The following GPC6 variants were observed in gnomAD, a reference collection of about 807,000 sequenced individuals.
GPC6 encodes glypican-6.
In GPC6, 14 loss-of-function variants were observed where a neutral mutation model predicts 55.2. The observed-to-expected ratio is 0.25, with a 90% CI of 0.17 to 0.40. The LOEUF (loss-of-function observed/expected upper bound fraction) is 0.40. Ranked by LOEUF, GPC6 falls within the 10% of genes least tolerant of loss-of-function variation. GPC6 has a pLI of 1.00. For synonymous variants in GPC6, 278 were observed against 259.6 expected (o/e 1.07, Z -0.68); for missense variants, 641 against 708.5 (o/e 0.90, Z 1.08).
intron 1 of GPC6, among the ~76,000 whole-genome samples, chr13:93,425,362 A>C (rs1260726296): frequency 6.6e-6 from 1 of 152,146 alleles, no homozygotes; most frequent in Non-Finnish European, 1.5e-5. Flanking sequence ...ACTTCCTATC[A>C]ATTCTAAAAA....
At chr13:94,090,359 G>C (rs1423437714) in intron 4 of GPC6, among the ~76,000 whole-genome samples, 1 of 152,040 alleles carries the variant, frequency 6.6e-6, no homozygotes, top group African/African-American at 2.4e-5. Context: ...GATTTGGGTG[G>C]AGAGACAGCC....
At chr13:93,745,257 G>A (rs572774450) in intron 2 of GPC6, among the ~76,000 whole-genome samples, 6 of 152,028 alleles carry the variant, frequency 3.9e-5, no homozygotes, top group African/African-American at 1.2e-4. Context: ...TCTTCTTCCT[G>A]CTCTTTATAT....
chr13:93,728,399 A>G (rs1883716716), intron 2 of GPC6, among the ~76,000 whole-genome samples: 1 of 148,898 alleles, frequency 6.7e-6, no homozygotes, highest in Non-Finnish European at 1.5e-5. Flanking sequence ...TTTTATTATT[A>G]TATATATATA....
Position 94,398,454 on chromosome 13 carries a change from T to C in GPC6, c.1290-12T>C, listed in dbSNP as rs1319899636. On this transcript the variant is annotated splice_polypyrimidine_tract_variant and intron_variant, in intron 7 of 8. Transcript: ENST00000377047. ...ATCTCCCTGAGGTGTTCTCTCACTC[T>C]CTGCCTTGCAGATACTTGCCTGAGA... is the stretch of plus-strand genomic sequence containing the variant. The C allele has an allele frequency of 1.9e-5, 30 of 1,606,618 alleles. No individual in the cohort carries two copies. The highest frequency in any genetic ancestry group is 2.5e-5 in the Non-Finnish European group (29 of 1,173,332).
At chr13:93,739,817 T>G (rs1044772733) in intron 2 of GPC6, among the ~76,000 whole-genome samples, 2 of 152,184 alleles carry the variant, frequency 1.3e-5, no homozygotes, top group Non-Finnish European at 2.9e-5. Flanking sequence ...AGGAAATTAC[T>G]GCCTGCATGA....
chr13:93,991,292 G>T (rs953196225), intron 3 of GPC6, among the ~76,000 whole-genome samples: 3 of 152,098 alleles, frequency 2.0e-5, no homozygotes, highest in African/African-American at 7.2e-5. Flanking sequence ...AAGAAAAATA[G>T]ACATTATTCT....
intron 4 of GPC6, among the ~76,000 whole-genome samples, chr13:94,068,800 G>A (rs1884627218): frequency 6.6e-6 from 1 of 152,168 alleles, no homozygotes; most frequent in Admixed American, 6.5e-5. Flanking sequence ...CACACTGATG[G>A]AAGAGGTGGG....
chr13:93,452,869 C>CTAA (rs769107655), intron 1 of GPC6, among the ~76,000 whole-genome samples: 4 of 152,040 alleles, frequency 2.6e-5, no homozygotes, highest in Non-Finnish European at 5.9e-5. Context: ...TACATATGGG[C>CTAA]TAATGATGGT....
intron 3 of GPC6, among the ~76,000 whole-genome samples, chr13:93,833,891 C>G (rs1887630620): frequency 6.6e-6 from 1 of 152,070 alleles, no homozygotes; most frequent in Non-Finnish European, 1.5e-5. Flanking sequence ...CTAGGTCTGA[C>G]TCTTAGAAGC....
intron 1 of GPC6, among the ~76,000 whole-genome samples, chr13:93,490,411 AC>A (rs1177646121): frequency 1.3e-5 from 2 of 149,290 alleles, no homozygotes; most frequent in African/African-American, 2.4e-5. Context: ...ACTTACATAT[AC>A]ACACTATTTT....
intron 1 of GPC6, among the ~76,000 whole-genome samples, chr13:93,236,742 T>C (rs966393897): frequency 1.3e-5 from 2 of 152,088 alleles, no homozygotes; most frequent in African/African-American, 2.4e-5. Flanking sequence ...GCCAAAAAGG[T>C]TGGGGACTGC....
chr13:93,270,750 C>T (rs577095422), intron 1 of GPC6, among the ~76,000 whole-genome samples: 1 of 146,800 alleles, frequency 6.8e-6, no homozygotes, highest in South Asian at 2.1e-4. Context: ...TCCAAGTGGA[C>T]AGTCCCCCCA....
intron 3 of GPC6, among the ~76,000 whole-genome samples, chr13:93,903,460 CA>C (rs2140329068): frequency 6.6e-6 from 1 of 152,296 alleles, no homozygotes; most frequent in South Asian, 2.1e-4. Context: ...GCAGTGGGGT[CA>C]AGTGCAAATT....
chr13:93,981,486 A>G (rs1406823062), intron 3 of GPC6, among the ~76,000 whole-genome samples: 1 of 152,184 alleles, frequency 6.6e-6, no homozygotes, highest in Non-Finnish European at 1.5e-5. Flanking sequence ...AAGAAAATAT[A>G]ATTTTCAATT....
intron 2 of GPC6, among the ~76,000 whole-genome samples, chr13:93,708,577 A>G (rs1056475465): frequency 6.6e-6 from 1 of 151,778 alleles, no homozygotes; most frequent in Non-Finnish European, 1.5e-5. Flanking sequence ...GTGACATTAA[A>G]TTATTCCTCT....
chr13:93,225,859 C>T (rs1003776281), upstream of GPC6, among the ~76,000 whole-genome samples: 26 of 152,204 alleles, frequency 1.7e-4, no homozygotes, highest in African/African-American at 6.3e-4. Flanking sequence ...ACCTATGACA[C>T]ATAGCCACGT....
intron 1 of GPC6, among the ~76,000 whole-genome samples, chr13:93,386,980 C>T (rs919317509): frequency 6.6e-6 from 1 of 152,168 alleles, no homozygotes; most frequent in Non-Finnish European, 1.5e-5. Flanking sequence ...TAGGGCCAAT[C>T]CTAATTCAGC....
intron 1 of GPC6, among the ~76,000 whole-genome samples, chr13:93,400,343 A>G (rs960414204): frequency 3.3e-5 from 5 of 151,880 alleles, no homozygotes; most frequent in African/African-American, 1.2e-4. Flanking sequence ...CTGGTCAAAA[A>G]AAAAAAAAAA....
At chr13:94,311,594 T>C (rs1876250490) in intron 6 of GPC6, among the ~76,000 whole-genome samples, 1 of 152,240 alleles carries the variant, frequency 6.6e-6, no homozygotes, top group South Asian at 2.1e-4. Context: ...TGTTAACTGT[T>C]TGGCCTTAAA....
Sources: gnomAD v4.1 joint callset for allele counts (sites outside exome capture counted in the v4.1 genomes callset) on GRCh38, gnomAD v4.1.1 for gene constraint, MANE v1.5 for transcripts, NCBI Gene and HGNC (gene_info 2026-07-23, HGNC 2026-07-21) for gene names.